The following GRM5 variants were observed in gnomAD, a reference collection of about 807,000 sequenced individuals.
GRM5 encodes the protein metabotropic glutamate receptor 5.
In GRM5, 19 loss-of-function variants were observed where a neutral mutation model predicts 83.1. That is an observed-to-expected ratio of 0.23 (90% CI 0.16 to 0.34). The LOEUF is 0.34. GRM5 is among the 10% of genes least tolerant of loss of function. The pLI is 1.00. For synonymous variants in GRM5, 675 were observed against 633.6 expected (o/e 1.07, Z -0.98); for missense variants, 1,160 against 1,588.3 (o/e 0.73, Z 4.58).
chr11:88,586,300 T>C lies in GRM5; in HGVS notation c.1690+4301A>G, dbSNP rs868785398. On this transcript the variant is annotated intron_variant, in intron 7 of 9. Transcript: ENST00000305447. ...CATTAATGTCAGTTGATTGCTACTTTAAGTTGTTTTCTGAACAATTGTTTA... is the reference window on the plus strand; with the variant it reads ...CATTAATGTCAGTTGATTGCTACTTCAAGTTGTTTTCTGAACAATTGTTTA... Among the ~76,000 whole-genome samples, 13 of 152,244 alleles carry C rather than the reference T, an allele frequency of 8.5e-5. No homozygotes were observed. In the Middle Eastern group the frequency reaches 0.01, roughly 120 times the overall value.
chr11:88,838,902 C>CACACAT (rs1224823467), intron 3 of GRM5, among the ~76,000 whole-genome samples: 1 of 147,710 alleles, frequency 6.8e-6, no homozygotes, highest in African/African-American at 2.6e-5. Flanking sequence ...CACACACACA[C>CACACAT]ACATACACAC....
At chr11:88,640,864 A>C (rs950893539) in intron 4 of GRM5, among the ~76,000 whole-genome samples, 8 of 152,164 alleles carry the variant, frequency 5.3e-5, no homozygotes, top group African/African-American at 1.9e-4. Context: ...TTGGGAGGCT[A>C]TCTGAACCCT....
At chr11:88,620,387 T>A (rs1227037574) in intron 4 of GRM5, among the ~76,000 whole-genome samples, 1 of 152,186 alleles carries the variant, frequency 6.6e-6, no homozygotes, top group Non-Finnish European at 1.5e-5. Flanking sequence ...ACTATGTGGA[T>A]CAGACACACA....
rs1038521416 is a variant in GRM5, at chr11:88,507,542, T to C, written c.*1050A>G. 1 of 152,194 alleles carries C rather than the reference T, an allele frequency of 6.6e-6. No individual in the cohort carries two copies. Among genetic ancestry groups the C allele is most frequent in the African/African-American group, 2.4e-5 (1 of 41,454 alleles). 9.4% of individuals were successfully genotyped at this position (152,194 alleles called of 1,614,324 possible). On this transcript the variant is annotated 3_prime_UTR_variant, in exon 10 of 10. Transcript: ENST00000305447. ...TGGGGTCTATGGACCACTCTTCCAG[T>C]GGTGGGACTCGAAAAGAACAAAGGA... is the stretch of plus-strand genomic sequence containing the variant.
At chr11:88,706,398 C>A (rs1005438998) in intron 3 of GRM5, among the ~76,000 whole-genome samples, 1 of 152,052 alleles carries the variant, frequency 6.6e-6, no homozygotes, top group Non-Finnish European at 1.5e-5. Context: ...ATTAAAGTAT[C>A]TCCCTTAAAG....
chr11:88,506,088 G>T lies in GRM5; in HGVS notation c.*2504C>A, dbSNP rs1391602849. 1 of 152,138 alleles carries T rather than the reference G, an allele frequency of 6.6e-6. No individual in the cohort carries two copies. Among genetic ancestry groups the T allele is most frequent in the Non-Finnish European group, 1.5e-5 (1 of 68,012 alleles). The allele number at this position is 152,138 out of a possible 1,614,324, so 9.4% of individuals were successfully genotyped here. A position where few individuals can be genotyped will look rare whatever the true frequency, so the allele number is the denominator to read the frequency against. ...AGAAATACAGAGAAAAATATATCTT[G>T]TCCTTTTCTAATTGGATAAATCATT... On this transcript the variant is annotated 3_prime_UTR_variant, in exon 10 of 10. Coordinates refer to ENST00000305447, the MANE Select transcript of GRM5 (RefSeq NM_001143831.3).
intron 2 of GRM5, among the ~76,000 whole-genome samples, chr11:88,930,235 C>T (rs1937660487): frequency 1.3e-5 from 2 of 148,672 alleles, no homozygotes; most frequent in South Asian, 4.3e-4. Flanking sequence ...ATAGTGAGAC[C>T]CAGTGTTCAC....
At position 88,547,311 on chromosome 11, in the gene GRM5, C is replaced by T. The variant is rs143296350; in HGVS notation, c.2630+19742G>A. On this transcript the variant is annotated intron_variant, in intron 8 of 9. Coordinates refer to ENST00000305447, the MANE Select transcript of GRM5 (RefSeq NM_001143831.3). ...TATCTAGTTGTCATTTGTAGACTCACAACCAGAACTCAAGGAAGACTAATA... is the reference window on the plus strand; with the variant it reads ...TATCTAGTTGTCATTTGTAGACTCATAACCAGAACTCAAGGAAGACTAATA... 3.2e-3 allele frequency among the ~76,000 whole-genome samples: 485 copies of T among 152,156 alleles called. 2 individuals are homozygous for T. Among genetic ancestry groups the T allele is most frequent in the African/African-American group, 0.011 (441 of 41,496 alleles).
intron 2 of GRM5, among the ~76,000 whole-genome samples, chr11:88,980,446 G>C (rs781544920): frequency 1.4e-4 from 22 of 152,218 alleles, no homozygotes; most frequent in Middle Eastern, 3.4e-3. Context: ...ATCTAAGAAA[G>C]AGCTAAGAAA....
intron 2 of GRM5, among the ~76,000 whole-genome samples, chr11:88,987,137 G>A (rs1939747505): frequency 6.6e-6 from 1 of 152,208 alleles, no homozygotes; most frequent in East Asian, 1.9e-4. Context: ...AGTGGGCGCA[G>A]GTCAGTGGGT....
intron 2 of GRM5, among the ~76,000 whole-genome samples, chr11:89,039,904 G>A (rs1941488460): frequency 6.6e-6 from 1 of 152,186 alleles, no homozygotes; most frequent in Non-Finnish European, 1.5e-5. Flanking sequence ...GTCCTCAAGT[G>A]ATCCTCTGCC....
At chr11:88,867,851 C>T (rs534831681) in intron 2 of GRM5, among the ~76,000 whole-genome samples, 5 of 151,948 alleles carry the variant, frequency 3.3e-5, no homozygotes, top group East Asian at 1.9e-4. Flanking sequence ...CTGTTGTTTA[C>T]GAACCACTGA....
intron 2 of GRM5, among the ~76,000 whole-genome samples, chr11:88,853,500 A>C (rs1480359768): frequency 6.6e-6 from 1 of 151,970 alleles, no homozygotes; most frequent in African/African-American, 2.4e-5. Context: ...ATGTAGTGAG[A>C]TAATTATATT....
At chr11:88,749,556 A>G (rs1942219479) in intron 3 of GRM5, among the ~76,000 whole-genome samples, 1 of 152,176 alleles carries the variant, frequency 6.6e-6, no homozygotes. Context: ...CAACCTAGCA[A>G]GGCAGGCCAA....
chr11:88,815,860 C>T (rs991047110), intron 3 of GRM5, among the ~76,000 whole-genome samples: 3 of 152,128 alleles, frequency 2.0e-5, no homozygotes, highest in African/African-American at 7.2e-5. Flanking sequence ...GTTTGGGGGA[C>T]AAGCATGCAA....
At chr11:88,777,418 CCTT>C (rs1942880507) in intron 3 of GRM5, among the ~76,000 whole-genome samples, 1 of 152,110 alleles carries the variant, frequency 6.6e-6, no homozygotes, top group Non-Finnish European at 1.5e-5. Flanking sequence ...TTATTACCAA[CCTT>C]CTGCAGCCTA....
At position 88,975,868 on chromosome 11, in the gene GRM5, T is replaced by C. The variant is rs549226598; in HGVS notation, c.661+71344A>G. Among the ~76,000 whole-genome samples, 10 of 152,298 alleles carry C rather than the reference T, an allele frequency of 6.6e-5. No individual in the cohort carries two copies. The East Asian group carries it at 7.7e-4, about 12-fold the overall frequency. On this transcript the variant is annotated intron_variant, in intron 2 of 9. Transcript: ENST00000305447. ...TCAATTGTGCCTCCACTAACCTTAG[T>C]TTCCCCATGTATAAAATGGAGATCA... is the stretch of plus-strand genomic sequence containing the variant.
chr11:88,571,184 C>G (rs962668239), intron 7 of GRM5, among the ~76,000 whole-genome samples: 1 of 152,114 alleles, frequency 6.6e-6, no homozygotes, highest in Non-Finnish European at 1.5e-5. Flanking sequence ...ACATTTACTA[C>G]TATTTTTATC....
intron 9 of GRM5, chr11:88,524,022 C>T (rs1941781256): frequency 6.6e-6 from 1 of 151,886 alleles, no homozygotes; most frequent in South Asian, 2.1e-4. Context: ...AAAAGTTTTC[C>T]TTCCATACCT....
Sources: allele counts gnomAD v4.1 joint callset (sites outside exome capture counted in the v4.1 genomes callset), GRCh38; gene constraint gnomAD v4.1.1; transcripts MANE v1.5; gene names NCBI Gene and HGNC (gene_info 2026-07-23, HGNC 2026-07-21).